Variants in PDGFD observed in about 807,000 individuals in gnomAD.
PDGFD encodes the protein platelet-derived growth factor D.
PDGFD carries 30 observed loss-of-function variants against 44.7 expected under a neutral mutation model. The observed-to-expected ratio is 0.67, with a 90% CI of 0.50 to 0.91. The LOEUF (loss-of-function observed/expected upper bound fraction) is 0.91. Ranked by LOEUF, PDGFD falls within the 40% of genes least tolerant of loss-of-function variation. The probability of loss-of-function intolerance (pLI) is 0.00; values close to 1 mark genes in which losing one functional copy is unlikely to be tolerated. For synonymous variants in PDGFD, 173 were observed against 168.4 expected, an observed-to-expected ratio of 1.03 and a Z score of -0.21; for missense variants, 445 against 457.8, an observed-to-expected ratio of 0.97 and a Z score of 0.25.
intron 1 of PDGFD, among the ~76,000 whole-genome samples, chr11:104,137,037 T>C (rs1311601371): frequency 1.3e-5 from 2 of 148,804 alleles, no homozygotes; most frequent in Non-Finnish European, 3.0e-5. Context: ...CAGGAAACAA[T>C]CCAGAGCCCC....
intron 1 of PDGFD, among the ~76,000 whole-genome samples, chr11:104,073,117 C>T (rs921236191): frequency 3.9e-5 from 6 of 151,916 alleles, no homozygotes; most frequent in Non-Finnish European, 7.4e-5. Flanking sequence ...ATGTGATTAT[C>T]TTATAATCCA....
At chr11:104,083,265 TG>T (rs1194946556) in intron 1 of PDGFD, among the ~76,000 whole-genome samples, 1 of 152,202 alleles carries the variant, frequency 6.6e-6, no homozygotes, top group Admixed American at 6.6e-5. Flanking sequence ...CAGTAGATGG[TG>T]GCTTACAAAC....
Position 103,907,545 on chromosome 11 carries a change from G to T in PDGFD, c.*2149C>A, listed in dbSNP as rs1444341915. 2 of 152,202 alleles carry T rather than the reference G, an allele frequency of 1.3e-5. No individual in the cohort carries two copies. The highest frequency in any genetic ancestry group is 2.9e-5 in the Non-Finnish European group (2 of 68,026). 9.4% of individuals were successfully genotyped at this position (152,202 alleles called of 1,614,324 possible). A position where few individuals can be genotyped will look rare whatever the true frequency, so the allele number is the denominator to read the frequency against. On this transcript the variant is annotated 3_prime_UTR_variant, in exon 7 of 7. Transcript: ENST00000393158. The stretch of plus-strand genomic sequence containing the variant: ...TAATAAAACTCTCAGGAAAGGCAAA[G>T]AAAAGTGAGTGAATATGCCTGCTTA...
chr11:104,059,771 G>A (rs1420289896), intron 1 of PDGFD, among the ~76,000 whole-genome samples: 2 of 152,098 alleles, frequency 1.3e-5, no homozygotes, highest in Non-Finnish European at 2.9e-5. Flanking sequence ...CAACTAATCC[G>A]TTTCCAAGAT....
chr11:104,086,284 C>A (rs1861129690), intron 1 of PDGFD, among the ~76,000 whole-genome samples: 1 of 152,100 alleles, frequency 6.6e-6, no homozygotes. Context: ...ATATTTTCTA[C>A]CTGAGCACTC....
At chr11:103,969,445 A>AGTTACT (rs549769348) in intron 3 of PDGFD, among the ~76,000 whole-genome samples, 35 of 144,650 alleles carry the variant, frequency 2.4e-4, no homozygotes, top group African/African-American at 8.1e-4. Context: ...GAAAGAGAGA[A>AGTTACT]GTTACTATTT....
chr11:103,942,122 A>G (rs1858593514), intron 5 of PDGFD, among the ~76,000 whole-genome samples: 1 of 152,014 alleles, frequency 6.6e-6, no homozygotes, highest in African/African-American at 2.4e-5. Flanking sequence ...TTTGTCCCAA[A>G]TGTTATAAAT....
At chr11:103,923,491 C>A (rs1053736204) in intron 6 of PDGFD, among the ~76,000 whole-genome samples, 5 of 152,178 alleles carry the variant, frequency 3.3e-5, no homozygotes, top group East Asian at 1.9e-4. Flanking sequence ...CTCATTACCC[C>A]CTTAAGGGTG....
In PDGFD at chr11:103,908,341, T is replaced by A. The variant is rs1194132914; in HGVS notation, c.*1353A>T. On this transcript the variant is annotated 3_prime_UTR_variant, in exon 7 of 7. Coordinates refer to ENST00000393158, the MANE Select transcript of PDGFD (RefSeq NM_025208.5). ...AATTACTCTAAATACCATTAACCAA[T>A]GTAAAACAGTTTTCTATTAAACAGT... 1 of 152,110 alleles carries A rather than the reference T, an allele frequency of 6.6e-6. No individual in the cohort carries two copies. Among genetic ancestry groups the A allele is most frequent in the African/African-American group, 2.4e-5 (1 of 41,380 alleles). 9.4% of individuals were successfully genotyped at this position (152,110 alleles called of 1,614,324 possible).
At chr11:104,034,832 C>G (rs1291427974) in intron 1 of PDGFD, among the ~76,000 whole-genome samples, 1 of 152,034 alleles carries the variant, frequency 6.6e-6, no homozygotes, top group Admixed American at 6.5e-5. Flanking sequence ...TTAGTAGAGA[C>G]AGGGTTTCAC....
chr11:104,070,249 C>T (rs1197345364), intron 1 of PDGFD, among the ~76,000 whole-genome samples: 1 of 152,132 alleles, frequency 6.6e-6, no homozygotes, highest in East Asian at 1.9e-4. Flanking sequence ...GTGTTAATTC[C>T]TATTACAGTG....
At chr11:104,077,730 A>G (rs911621854) in intron 1 of PDGFD, among the ~76,000 whole-genome samples, 14 of 152,200 alleles carry the variant, frequency 9.2e-5, no homozygotes, top group Non-Finnish European at 1.6e-4. Context: ...GCACAGAAAA[A>G]AAAAACTATC....
chr11:104,075,758 A>C lies in PDGFD; in HGVS notation c.125-75503T>G, dbSNP rs77664008. Among the ~76,000 whole-genome samples, 65 of 152,230 alleles carry C rather than the reference A, an allele frequency of 4.3e-4. 1 individual carries two copies. In the East Asian group the frequency reaches 0.012, roughly 29 times the overall value. On this transcript the variant is annotated intron_variant, in intron 1 of 6. Coordinates refer to ENST00000393158, the MANE Select transcript of PDGFD (RefSeq NM_025208.5). ...ATTACCCCTGGTATCTGTCTCTCCCATGCTCACTGCCAGGTATTGTGATTG... is the reference window on the plus strand; with the variant it reads ...ATTACCCCTGGTATCTGTCTCTCCCCTGCTCACTGCCAGGTATTGTGATTG...
At chr11:103,985,973 T>G (rs565547387) in intron 3 of PDGFD, among the ~76,000 whole-genome samples, 16 of 152,292 alleles carry the variant, frequency 1.1e-4, no homozygotes, top group African/African-American at 3.1e-4. Context: ...GGTGGCTCCA[T>G]GACTTTTCAA....
At chr11:103,920,931 T>C (rs1190689309) in intron 6 of PDGFD, among the ~76,000 whole-genome samples, 1 of 152,200 alleles carries the variant, frequency 6.6e-6, no homozygotes, top group African/African-American at 2.4e-5. Flanking sequence ...CAGGATAAAG[T>C]GTAACAACAG....
chr11:104,073,491 T>C (rs1860908967), intron 1 of PDGFD, among the ~76,000 whole-genome samples: 1 of 152,190 alleles, frequency 6.6e-6, no homozygotes, highest in African/African-American at 2.4e-5. Flanking sequence ...TGTAACTCAA[T>C]TTCTTATGAG....
intron 1 of PDGFD, among the ~76,000 whole-genome samples, chr11:104,156,930 G>T (rs1862315863): frequency 6.6e-6 from 1 of 152,106 alleles, no homozygotes. Flanking sequence ...TCTGGTCTTG[G>T]ATTCTTTCCT....
At chr11:103,969,474 GTTTTTTTTTTT>G (rs66571550) in intron 3 of PDGFD, among the ~76,000 whole-genome samples, 13 of 89,808 alleles carry the variant, frequency 1.4e-4, no homozygotes, top group African/African-American at 2.2e-4. Context: ...ACCAAGCCTG[GTTTTTTTTTTT>G]TTTTTTTTTT....
chr11:104,094,452 CA>C (rs1350372333), intron 1 of PDGFD, among the ~76,000 whole-genome samples: 1 of 151,954 alleles, frequency 6.6e-6, no homozygotes, highest in Non-Finnish European at 1.5e-5. Flanking sequence ...ATCATATATC[CA>C]AAAACCTACT....
Sources: gnomAD v4.1 joint callset for allele counts (sites outside exome capture counted in the v4.1 genomes callset) on GRCh38, gnomAD v4.1.1 for gene constraint, MANE v1.5 for transcripts, NCBI Gene and HGNC (gene_info 2026-07-23, HGNC 2026-07-21) for gene names.